ODAD2: variants seen among roughly 807,000 people sequenced by gnomAD.
ODAD2 encodes outer dynein arm-docking complex subunit 2.
A neutral mutation model predicts 106.8 loss-of-function variants in ODAD2; 89 were observed. The ratio of observed to expected loss-of-function variants is 0.83; its 90% CI spans 0.70 to 0.99. The LOEUF is 0.99. ODAD2 is among the 50% of genes least tolerant of loss of function. The probability of loss-of-function intolerance (pLI) is 0.00; values close to 1 mark genes in which losing one functional copy is unlikely to be tolerated. For missense variants in ODAD2, 1,168 were observed against 1,238.5 expected (o/e 0.94, Z 0.85); for synonymous variants, 404 against 436.2 (o/e 0.93, Z 0.92).
At chr10:27,959,500 G>T (rs1405680140) in intron 10 of ODAD2, among the ~76,000 whole-genome samples, 7 of 152,042 alleles carry the variant, frequency 4.6e-5, no homozygotes, top group Admixed American at 6.6e-5. Context: ...TCCCAAAGCT[G>T]GGCATGGTCA....
chr10:27,951,991 C>T (rs1329149039), intron 10 of ODAD2, among the ~76,000 whole-genome samples: 2 of 144,642 alleles, frequency 1.4e-5, no homozygotes, highest in Non-Finnish European at 1.5e-5. Flanking sequence ...AGGAGAATTG[C>T]TTGAACTGGG....
intron 19 of ODAD2, among the ~76,000 whole-genome samples, chr10:27,847,059 C>T (rs555955888): frequency 0.012 from 1,797 of 152,160 alleles, 37 homozygotes; most frequent in African/African-American, 0.041. Flanking sequence ...GGGAATCCTC[C>T]CTAACTCATT....
intron 16 of ODAD2, among the ~76,000 whole-genome samples, chr10:27,914,877 A>C (rs1844253544): frequency 6.6e-6 from 1 of 152,118 alleles, no homozygotes; most frequent in Non-Finnish European, 1.5e-5. Flanking sequence ...ATATCCAAAC[A>C]GAAAAACAAA....
intron 10 of ODAD2, among the ~76,000 whole-genome samples, chr10:27,949,198 C>T (rs1847156937): frequency 6.6e-6 from 1 of 152,124 alleles, no homozygotes; most frequent in South Asian, 2.1e-4. Flanking sequence ...GTGTTGCATG[C>T]TTCCTATTTG....
At chr10:27,824,553 A>T (rs1229452391) in intron 19 of ODAD2, among the ~76,000 whole-genome samples, 1 of 152,174 alleles carries the variant, frequency 6.6e-6, no homozygotes, top group Non-Finnish European at 1.5e-5. Context: ...TTTTCCTCAT[A>T]AATTACCCAG....
chr10:27,964,829 T>G (rs11819711), intron 9 of ODAD2, among the ~76,000 whole-genome samples: 13,318 of 152,244 alleles, frequency 0.087, 1,740 homozygotes, highest in African/African-American at 0.28. Flanking sequence ...TAAGGACCAT[T>G]TCTGTCTTTT....
chr10:27,910,809 A>T (rs1843958366), intron 16 of ODAD2, among the ~76,000 whole-genome samples: 1 of 152,124 alleles, frequency 6.6e-6, no homozygotes, highest in South Asian at 2.1e-4. Context: ...GTCAATTCTC[A>T]TCAGGGGAAG....
chr10:27,838,632 T>C (rs1354839083), intron 19 of ODAD2, among the ~76,000 whole-genome samples: 1 of 152,206 alleles, frequency 6.6e-6, no homozygotes, highest in African/African-American at 2.4e-5. Context: ...GAAATATAGA[T>C]GAAAGATGGA....
chr10:27,970,950 C>T (rs1479493961), intron 8 of ODAD2, among the ~76,000 whole-genome samples, 158 bp downstream of exon 8: 2 of 150,618 alleles, frequency 1.3e-5, no homozygotes, highest in Non-Finnish European at 3.0e-5. Context: ...CCTGCCTGGG[C>T]AACAGAGCAA....
chr10:27,830,828 C>T (rs1191021214), intron 19 of ODAD2, among the ~76,000 whole-genome samples: 1 of 152,172 alleles, frequency 6.6e-6, no homozygotes, highest in Admixed American at 6.5e-5. Flanking sequence ...ACTGAAATGG[C>T]TTATTCATGC....
intron 16 of ODAD2, among the ~76,000 whole-genome samples, chr10:27,930,480 C>G (rs1261544609): frequency 2.0e-5 from 3 of 152,008 alleles, no homozygotes; most frequent in African/African-American, 4.8e-5. Flanking sequence ...CACCACTGCA[C>G]TCCAGCCTGG....
chr10:27,830,316 G>A (rs1378938494), intron 19 of ODAD2, among the ~76,000 whole-genome samples: 3 of 152,070 alleles, frequency 2.0e-5, no homozygotes, highest in Non-Finnish European at 4.4e-5. Flanking sequence ...TGCTCAATCT[G>A]CACTTACTCT....
chr10:27,895,910 G>A (rs1003545056), intron 17 of ODAD2, among the ~76,000 whole-genome samples: 9 of 152,270 alleles, frequency 5.9e-5, no homozygotes, highest in Admixed American at 5.9e-4. Flanking sequence ...AAGGACGCAA[G>A]GTGGGAGACA....
At chr10:27,874,683 T>C (rs1841183688) in intron 17 of ODAD2, among the ~76,000 whole-genome samples, 1 of 152,180 alleles carries the variant, frequency 6.6e-6, no homozygotes, top group Non-Finnish European at 1.5e-5. Context: ...AATATTGGCC[T>C]CCACTCCCTT....
chr10:27,824,072 C>T lies in ODAD2; in HGVS notation c.3022-11447G>A, dbSNP rs893650153. On this transcript the variant is annotated intron_variant, in intron 19 of 19. Transcript: ENST00000305242. ...GGAGAATGGCGTGAACCCCAGGGGG[C>T]GGAGCCTGCAGTGAGCCGAGATTGC... is the stretch of plus-strand genomic sequence containing the variant. Among the ~76,000 whole-genome samples the T allele has an allele frequency of 4.5e-4, 43 of 96,096 alleles. 5 individuals carry two copies. The South Asian group carries it at 8.5e-3, about 19-fold the overall frequency. The allele number at this position is 96,096 out of a possible 152,430, so 63.0% of individuals were successfully genotyped here.
At chr10:27,935,290 T>C (rs778017230) in intron 15 of ODAD2, 38 bp from the exon 16 acceptor site, 1 of 1,607,906 alleles carries the variant, frequency 6.2e-7, no homozygotes, top group Non-Finnish European at 8.5e-7. Context: ...TTGGTTTTTG[T>C]ATAAGGTTTG....
intron 17 of ODAD2, among the ~76,000 whole-genome samples, chr10:27,893,158 CA>C (rs966426499): frequency 7.0e-5 from 10 of 141,854 alleles, no homozygotes; most frequent in Non-Finnish European, 1.4e-4. Flanking sequence ...GACTCCTTCT[CA>C]AAAAAAAAGA....
chr10:27,959,134 C>G (rs1254211957), intron 10 of ODAD2, among the ~76,000 whole-genome samples: 2 of 138,326 alleles, frequency 1.4e-5, no homozygotes, highest in Non-Finnish European at 3.1e-5. Context: ...GCCAGGAGTT[C>G]AAGATCAGCC....
intron 10 of ODAD2, 29 bp from the exon 11 acceptor site, chr10:27,944,991 T>C (rs1247485651): frequency 6.2e-7 from 1 of 1,612,550 alleles, no homozygotes; most frequent in East Asian, 2.2e-5. Context: ...AGAGAAAGGT[T>C]AAGGAACACC....
Sources: gnomAD v4.1 joint callset for allele counts (sites outside exome capture counted in the v4.1 genomes callset) on GRCh38, gnomAD v4.1.1 for gene constraint, MANE v1.5 for transcripts, NCBI Gene and HGNC (gene_info 2026-07-23, HGNC 2026-07-21) for gene names.